ZNF543: variants seen among roughly 807,000 people sequenced by gnomAD.
ZNF543 encodes zinc finger protein 543.
Under a neutral mutation model 13.4 loss-of-function variants are expected in ZNF543, and 10 were observed. That is an observed-to-expected ratio of 0.75 (90% CI 0.46 to 1.26). The LOEUF (loss-of-function observed/expected upper bound fraction) is 1.26, where lower values mean the gene tolerates loss of function less well. Among genes scored for constraint, ZNF543 ranks in the 50% most tolerant of loss-of-function variants. ZNF543 has a pLI of 0.00. For synonymous variants in ZNF543, 272 were observed against 264.7 expected (o/e 1.03, Z -0.27); for missense variants, 768 against 741.2 (o/e 1.04, Z -0.42).
rs139753062 is a variant in ZNF543 at position 57,329,035 on chromosome 19, C to A, written c.1573C>A (p.His525Asn). The A allele has an allele frequency of 3.1e-6, 5 of 1,614,044 alleles. No individual in the cohort carries two copies. In the African/African-American group the frequency reaches 5.3e-5, roughly 17 times the overall value. Residue 525 changes from histidine to asparagine, a missense_variant, in exon 4 of 4, where the codon CAC becomes AAC. Physicochemically the swap from His to Asn is moderately conservative, Grantham distance 68 (BLOSUM62 1). Around this residue, in one of 3 missense-constraint regions of ZNF543, gnomAD observed 677 missense variants for 631.4 expected, o/e 1.07. Coordinates refer to ENST00000321545, the MANE Select transcript of ZNF543 (RefSeq NM_213598.4). Reference sequence around the variant, plus strand: ...TTGCCGGAGCGCAAACCTTATTCGACACTCCATCATTCACACTGGAGAGAA... The same window carrying A: ...TTGCCGGAGCGCAAACCTTATTCGAAACTCCATCATTCACACTGGAGAGAA... Reference protein sequence around the residue: ...AFCRSANLIRHSIIHTGEKPY... With the variant: ...AFCRSANLIRNSIIHTGEKPY...
intron 1 of ZNF543, 144 bp from the exon 2 acceptor site, chr19:57,323,538 C>G (rs1253457374): frequency 1.8e-6 from 2 of 1,085,926 alleles, no homozygotes; most frequent in African/African-American, 1.6e-5. Context: ...TCCCCTCATG[C>G]CTGGCACAGA....
Position 57,328,977 on chromosome 19 carries a change from A to G in ZNF543, c.1515A>G (p.Lys505=), listed in dbSNP as rs770209112. The change falls in exon 4 of 4, where the codon AAA becomes AAG. Residue 505 remains lysine, a synonymous_variant. Coordinates refer to ENST00000321545, the MANE Select transcript of ZNF543 (RefSeq NM_213598.4). ...TRHQQIHTGE[K]PYECIQCGKA... is the part of the protein sequence containing the mutation. Reference sequence around the variant, plus strand: ...ACCAACAGATTCACACTGGAGAGAAACCCTATGAATGCATCCAGTGTGGGA... The same window carrying G: ...ACCAACAGATTCACACTGGAGAGAAGCCCTATGAATGCATCCAGTGTGGGA... The G allele has an allele frequency of 1.2e-6, 2 of 1,614,042 alleles. No individual in the cohort carries two copies. Among genetic ancestry groups the G allele is most frequent in the Non-Finnish European group, 1.7e-6 (2 of 1,179,996 alleles).
chr19:57,326,239 G>C (rs1016897746), intron 2 of ZNF543, among the ~76,000 whole-genome samples: 3 of 152,192 alleles, frequency 2.0e-5, no homozygotes, highest in Non-Finnish European at 2.9e-5. Flanking sequence ...CTGGAGTGCA[G>C]TGGCATGATC....
rs762444441 is a variant in ZNF543 at position 57,328,436 on chromosome 19, GT to G, written c.977del (p.Phe326SerfsTer39). 23 of 1,607,946 alleles carry G rather than the reference GT, an allele frequency of 1.4e-5. No homozygotes were observed. The highest frequency in any genetic ancestry group is 1.7e-5 in the Non-Finnish European group (20 of 1,178,260). ...ECGKAFRDRP[G>X]FIRHYIIHTG... ...GGCAAAGCCTTTCGAGATAGGCCAGGTTTCATTCGACACTACATCATCCACA... is the reference window on the plus strand; with the variant it reads ...GGCAAAGCCTTTCGAGATAGGCCAGGTTCATTCGACACTACATCATCCACA... On this transcript the variant is annotated frameshift_variant, in exon 4 of 4. Coordinates refer to ENST00000321545, the MANE Select transcript of ZNF543 (RefSeq NM_213598.4). LOFTEE classifies it low-confidence loss of function (END_TRUNC).
At chr19:57,322,534 G>A (rs2088096373) in intron 1 of ZNF543, among the ~76,000 whole-genome samples, 1 of 150,742 alleles carries the variant, frequency 6.6e-6, no homozygotes, top group African/African-American at 2.4e-5. Context: ...TCAAATGGAT[G>A]TATTTCAATG....
intron 2 of ZNF543, among the ~76,000 whole-genome samples, chr19:57,325,359 G>A (rs1399552716): frequency 6.6e-6 from 1 of 152,186 alleles, no homozygotes; most frequent in Non-Finnish European, 1.5e-5. Flanking sequence ...CCTACTGCCT[G>A]TGCCATTAAC....
At position 57,326,689 on chromosome 19, in the gene ZNF543, T is replaced by C. The variant is rs867236246; in HGVS notation, c.202T>C (p.Trp68Arg). ...IYQLDHRQEL[W>R]MATKDLSQSS... is the part of the protein sequence containing the mutation. Reference sequence around the variant, plus strand: ...CCAGTTGGATCACAGACAGGAGCTATGGATGGCTACAAAAGACCTCTCCCA... The same window carrying C: ...CCAGTTGGATCACAGACAGGAGCTACGGATGGCTACAAAAGACCTCTCCCA... The change falls in exon 3 of 4, where the codon TGG becomes CGG. Residue 68 changes from tryptophan (W) to arginine (R), a missense_variant. Physicochemically the swap from Trp to Arg is moderately radical, Grantham distance 101. Around this residue, in one of 3 missense-constraint regions of ZNF543, gnomAD observed 14 missense variants for 34.3 expected, o/e 0.41. Coordinates refer to ENST00000321545, the MANE Select transcript of ZNF543 (RefSeq NM_213598.4). 2 of 1,614,096 alleles carry C rather than the reference T, an allele frequency of 1.2e-6. No individual in the cohort carries two copies. The highest frequency in any genetic ancestry group is 1.7e-6 in the Non-Finnish European group (2 of 1,180,000).
chr19:57,327,747 C>G lies in ZNF543; in HGVS notation c.285C>G (p.His95Gln). 6.2e-7 allele frequency: 1 copy of G among 1,613,242 alleles called. No individual in the cohort carries two copies. Among genetic ancestry groups the G allele is most frequent in the East Asian group, 2.2e-5 (1 of 44,794 alleles). Residue 95 changes from histidine to glutamine, a missense_variant, in exon 4 of 4, where the codon CAC becomes CAG. Coordinates refer to ENST00000321545, the MANE Select transcript of ZNF543 (RefSeq NM_213598.4). ...KPKTTEPTFS[H>Q]LALPEEVLLQ... is the part of the protein sequence containing the mutation. ...AGACCACAGAGCCTACCTTTTCTCA[C>G]CTGGCCTTGCCTGAGGAAGTCTTAC...
Position 57,326,698 on chromosome 19 carries a change from A to G in ZNF543, c.211A>G (p.Thr71Ala), listed in dbSNP as rs748796528. 2.4e-5 allele frequency: 39 copies of G among 1,613,872 alleles called. No homozygotes were observed. The highest frequency in any genetic ancestry group is 3.0e-5 in the Non-Finnish European group (35 of 1,179,994). ...LDHRQELWMA[T>A]KDLSQSSYPG... is the part of the protein sequence containing the mutation. ...TCACAGACAGGAGCTATGGATGGCT[A>G]CAAAAGACCTCTCCCAAAGCTCCTA... Residue 71 changes from threonine (T) to alanine (A), a missense_variant, in exon 3 of 4, where the codon ACA becomes GCA. Transcript: ENST00000321545.
rs369953468 is a variant in ZNF543 at position 57,328,040 on chromosome 19, G to A, written c.578G>A (p.Arg193His). Residue 193 changes from arginine to histidine, a missense_variant, in exon 4 of 4, where the codon CGC (arginine) becomes CAC (histidine). Physicochemically the swap from Arg to His is conservative, Grantham distance 29 (BLOSUM62 0). This residue lies in a region of ZNF543 where 677 missense variants were observed against 631.4 expected (regional missense o/e 1.07). Transcript: ENST00000321545. ...GGACCAGTTACAGATGCCTTGATTC[G>A]CGAAGAGAAAAATTCCTATAAATGT... ...SHGPVTDALI[R>H]EEKNSYKCEE... 1.3e-4 allele frequency: 208 copies of A among 1,614,064 alleles called. No individual in the cohort carries two copies. Among genetic ancestry groups the A allele is most frequent in the South Asian group, 4.5e-4 (41 of 91,094 alleles).
Position 57,329,140 on chromosome 19 carries a change from A to G in ZNF543, c.1678A>G (p.Arg560Gly). Residue 560 changes from arginine to glycine, a missense_variant, in exon 4 of 4, where the codon AGA becomes GGA. By Grantham distance (125) the Arg-to-Gly change is moderately radical (BLOSUM62 -2). Transcript: ENST00000321545. Reference protein sequence around the residue: ...LTHHQRIHTGRNPTIVTDVGR... With the variant: ...LTHHQRIHTGGNPTIVTDVGR... ...ACATCATCAAAGGATTCATACTGGGAGAAACCCTACCATTGTAACAGATGT... is the reference window on the plus strand; with the variant it reads ...ACATCATCAAAGGATTCATACTGGGGGAAACCCTACCATTGTAACAGATGT... 4 of 1,614,252 alleles carry G rather than the reference A, an allele frequency of 2.5e-6. No homozygotes were observed. The highest frequency in any genetic ancestry group is 3.4e-6 in the Non-Finnish European group (4 of 1,180,034).
rs770932786 is a variant in ZNF543, at chr19:57,328,677, C to T, written c.1215C>T (p.Asn405=). The T allele has an allele frequency of 6.2e-7, 1 of 1,613,524 alleles. No individual in the cohort carries two copies. The highest frequency in any genetic ancestry group is 8.5e-7 in the Non-Finnish European group (1 of 1,179,640). The change falls in exon 4 of 4, where the codon AAC becomes AAT. Residue 405 remains asparagine, a synonymous_variant. Coordinates refer to ENST00000321545, the MANE Select transcript of ZNF543 (RefSeq NM_213598.4). ...GCATGGAGTGTGGGAAGGCGTTCAACCGTAGGTCACACCTCAAGCAGCATC... is the reference window on the plus strand; with the variant it reads ...GCATGGAGTGTGGGAAGGCGTTCAATCGTAGGTCACACCTCAAGCAGCATC... ...YKCMECGKAF[N]RRSHLKQHQR... is the part of the protein sequence containing the mutation.
intron 1 of ZNF543, among the ~76,000 whole-genome samples, chr19:57,321,958 G>T (rs1396992058): frequency 1.3e-5 from 2 of 152,158 alleles, no homozygotes; most frequent in African/African-American, 4.8e-5. Context: ...TTCCACAGTG[G>T]TTTCCTGAGT....
chr19:57,328,573 G>A lies in ZNF543; in HGVS notation c.1111G>A (p.Glu371Lys), dbSNP rs990835381. ...TGGAGTGAAACCCTTTGAATGCAAC[G>A]AGTGTGGAAAAGCTTTTTGCGAGAG... ...HTGVKPFECN[E>K]CGKAFCESAD... The change falls in exon 4 of 4, where the codon GAG becomes AAG. Residue 371 changes from glutamate (E) to lysine (K), a missense_variant. Physicochemically the swap from Glu to Lys is moderately conservative, Grantham distance 56 (BLOSUM62 1). Coordinates refer to ENST00000321545, the MANE Select transcript of ZNF543 (RefSeq NM_213598.4). 1.7e-5 allele frequency: 27 copies of A among 1,612,286 alleles called. No homozygotes were observed. The highest frequency in any genetic ancestry group is 9.4e-5 in the African/African-American group (7 of 74,324).
Position 57,329,165 on chromosome 19 carries a change from T to A in ZNF543, c.1703T>A (p.Val568Glu). 2 of 1,614,220 alleles carry A rather than the reference T, an allele frequency of 1.2e-6. No homozygotes were observed. The highest frequency in any genetic ancestry group is 1.7e-6 in the Non-Finnish European group (2 of 1,180,028). Residue 568 changes from valine to glutamate, a missense_variant, in exon 4 of 4, where the codon GTG (valine) becomes GAG (glutamate). By Grantham distance (121) the Val-to-Glu change is moderately radical. Transcript: ENST00000321545. ...TGRNPTIVTD[V>E]GRPFMTAQTS... is the part of the protein sequence containing the mutation. The stretch of plus-strand genomic sequence containing the variant: ...AGAAACCCTACCATTGTAACAGATG[T>A]GGGAAGACCTTTTATGACTGCACAG...
rs1332495934 is a variant in ZNF543, at chr19:57,328,380, T to C, written c.918T>C (p.Thr306=). The C allele has an allele frequency of 6.2e-7, 1 of 1,610,192 alleles. No homozygotes were observed. The highest frequency in any genetic ancestry group is 2.2e-5 in the East Asian group (1 of 44,568). Residue 306 remains threonine (T), a synonymous_variant, in exon 4 of 4, where the codon ACT becomes ACC. Transcript: ENST00000321545. ...STFVLHHRSH[T]GEKPFVCKEC... Reference sequence around the variant, plus strand: ...TTGTCTTGCATCACAGGAGCCACACTGGAGAAAAACCCTTTGTGTGCAAAG... The same window carrying C: ...TTGTCTTGCATCACAGGAGCCACACCGGAGAAAAACCCTTTGTGTGCAAAG...
At position 57,329,204 on chromosome 19, in the gene ZNF543, T is replaced by A; in HGVS notation, c.1742T>A (p.Ile581Asn). The A allele has an allele frequency of 3.1e-6, 5 of 1,613,320 alleles. No individual in the cohort carries two copies. The highest frequency in any genetic ancestry group is 4.2e-6 in the Non-Finnish European group (5 of 1,179,636). The change falls in exon 4 of 4, where the codon ATC becomes AAC. Residue 581 changes from isoleucine to asparagine, a missense_variant. By Grantham distance (149) the Ile-to-Asn change is moderately radical. Around this residue, in one of 3 missense-constraint regions of ZNF543, gnomAD observed 677 missense variants for 631.4 expected, o/e 1.07. Coordinates refer to ENST00000321545, the MANE Select transcript of ZNF543 (RefSeq NM_213598.4). ...ATGACTGCACAGACTTCAGTCAACA[T>A]CCAGGAACTTTTATTAGGGAAAGAG... ...PFMTAQTSVN[I>N]QELLLGKEFL... is the part of the protein sequence containing the mutation.
Position 57,328,729 on chromosome 19 carries a change from T to G in ZNF543, c.1267T>G (p.Tyr423Asp). 2.5e-6 allele frequency: 4 copies of G among 1,613,930 alleles called. No individual in the cohort carries two copies. The highest frequency in any genetic ancestry group is 3.4e-6 in the Non-Finnish European group (4 of 1,180,000). Residue 423 changes from tyrosine (Y) to aspartate (D), a missense_variant, in exon 4 of 4, where the codon TAT becomes GAT. Coordinates refer to ENST00000321545, the MANE Select transcript of ZNF543 (RefSeq NM_213598.4). ...HQRIHTGEKP[Y>D]ECSECGKAFT... ...ACGGATTCACACTGGGGAGAAGCCT[T>G]ATGAATGCAGTGAATGTGGAAAGGC...
In ZNF543 at chr19:57,328,018, C is replaced by T. The variant is rs536249848; in HGVS notation, c.556C>T (p.Pro186Ser). The T allele has an allele frequency of 8.7e-6, 14 of 1,614,128 alleles. No homozygotes were observed. The East Asian group carries it at 2.5e-4, about 28-fold the overall frequency. Reference sequence around the variant, plus strand: ...TCTCTATGAATGTGATTCACATGGACCAGTTACAGATGCCTTGATTCGCGA... The same window carrying T: ...TCTCTATGAATGTGATTCACATGGATCAGTTACAGATGCCTTGATTCGCGA... ...GDLYECDSHG[P>S]VTDALIREEK... Residue 186 changes from proline to serine, a missense_variant, in exon 4 of 4, where the codon CCA becomes TCA. Pro to Ser is a moderately conservative substitution (Grantham distance 74). Transcript: ENST00000321545.
Sources: gnomAD v4.1 joint callset for allele counts (sites outside exome capture counted in the v4.1 genomes callset) on GRCh38, gnomAD v4.1.1 for gene constraint, gnomAD v4.1.1 regional missense constraint, MANE v1.5 for transcripts, NCBI Gene and HGNC (gene_info 2026-07-23, HGNC 2026-07-21) for gene names.